GRIA4: variants seen among roughly 807,000 people sequenced by gnomAD.
The protein encoded by GRIA4 is glutamate ionotropic receptor AMPA type subunit 4.
In GRIA4, 34 loss-of-function variants were observed where a neutral mutation model predicts 104.0. That is an observed-to-expected ratio of 0.33 (90% CI 0.25 to 0.44). The LOEUF (loss-of-function observed/expected upper bound fraction) is 0.44. Ranked by LOEUF, GRIA4 falls within the 20% of genes least tolerant of loss-of-function variation. The probability of loss-of-function intolerance (pLI) is 1.00; values close to 1 mark genes in which losing one functional copy is unlikely to be tolerated. For missense variants in GRIA4, 750 were observed against 1,096.5 expected (o/e 0.68, Z 4.46); for synonymous variants, 386 against 381.9 (o/e 1.01, Z -0.13).
intron 3 of GRIA4, among the ~76,000 whole-genome samples, chr11:105,643,365 C>T (rs912074490): frequency 6.6e-6 from 1 of 152,088 alleles, no homozygotes; most frequent in African/African-American, 2.4e-5. Context: ...TATAGGATTC[C>T]TTAACATTGT....
At chr11:105,721,464 T>G (rs2135577011) in intron 3 of GRIA4, among the ~76,000 whole-genome samples, 1 of 152,260 alleles carries the variant, frequency 6.6e-6, no homozygotes, top group Non-Finnish European at 1.5e-5. Flanking sequence ...CATTCAGGAA[T>G]ATGTTTTGTT....
At chr11:105,867,766 A>G (rs1945479156) in intron 5 of GRIA4, among the ~76,000 whole-genome samples, 1 of 152,226 alleles carries the variant, frequency 6.6e-6, no homozygotes, top group South Asian at 2.1e-4. Flanking sequence ...AAAGATAGCT[A>G]TAGTTATAAG....
intron 4 of GRIA4, among the ~76,000 whole-genome samples, chr11:105,825,796 CT>C (rs1943749909): frequency 1.3e-5 from 2 of 152,030 alleles, no homozygotes; most frequent in Non-Finnish European, 2.9e-5. Context: ...ATTTGTGGCT[CT>C]TTTGAATTGG....
chr11:105,667,915 A>G (rs1952219101), intron 3 of GRIA4, among the ~76,000 whole-genome samples: 1 of 151,916 alleles, frequency 6.6e-6, no homozygotes, highest in Non-Finnish European at 1.5e-5. Context: ...TGTATTATAT[A>G]TAGTCACTAT....
intron 4 of GRIA4, among the ~76,000 whole-genome samples, chr11:105,842,363 G>A (rs543720008): frequency 7.4e-4 from 112 of 152,258 alleles, no homozygotes; most frequent in African/African-American, 2.6e-3. Flanking sequence ...CACGATTAGT[G>A]TGACTGCTAT....
intron 4 of GRIA4, among the ~76,000 whole-genome samples, chr11:105,818,527 AC>A (rs1296432629): frequency 2.0e-5 from 3 of 152,184 alleles, no homozygotes; most frequent in African/African-American, 7.2e-5. Flanking sequence ...ATATTTTATT[AC>A]ATATAATAAT....
At chr11:105,956,081 A>C (rs1486917425) in intron 14 of GRIA4, among the ~76,000 whole-genome samples, 1 of 152,048 alleles carries the variant, frequency 6.6e-6, no homozygotes, top group African/African-American at 2.4e-5. Context: ...TTGCCTGTTC[A>C]CCCTGGTGAT....
At chr11:105,652,645 C>CT (rs1425699039) in intron 3 of GRIA4, among the ~76,000 whole-genome samples, 1 of 151,936 alleles carries the variant, frequency 6.6e-6, no homozygotes, top group East Asian at 1.9e-4. Context: ...AATTGGGCTT[C>CT]TTTTTTATGA....
At chr11:105,878,653 G>A (rs1343571550) in intron 5 of GRIA4, among the ~76,000 whole-genome samples, 2 of 152,206 alleles carry the variant, frequency 1.3e-5, no homozygotes, top group Non-Finnish European at 2.9e-5. Flanking sequence ...GGCTACAGTG[G>A]CTTTGCTGGG....
chr11:105,802,622 C>G (rs1942768243), intron 4 of GRIA4, among the ~76,000 whole-genome samples: 1 of 151,822 alleles, frequency 6.6e-6, no homozygotes, highest in African/African-American at 2.4e-5. Flanking sequence ...GAAAAGTTTT[C>G]TGGATATTGC....
At chr11:105,868,994 T>C (rs2136043565) in intron 5 of GRIA4, among the ~76,000 whole-genome samples, 1 of 152,224 alleles carries the variant, frequency 6.6e-6, no homozygotes, top group African/African-American at 2.4e-5. Context: ...TGCACTAGGT[T>C]TGTTGTTTTC....
intron 10 of GRIA4, among the ~76,000 whole-genome samples, chr11:105,917,850 G>GTGTGTT (rs1947454488): frequency 6.6e-6 from 1 of 151,028 alleles, no homozygotes; most frequent in Non-Finnish European, 1.5e-5. Context: ...GTGTGTGTGT[G>GTGTGTT]TGTGTAACTG....
chr11:105,806,368 T>A (rs914163010), intron 4 of GRIA4, among the ~76,000 whole-genome samples: 1 of 151,766 alleles, frequency 6.6e-6, no homozygotes, highest in Non-Finnish European at 1.5e-5. Context: ...AACAAACAAT[T>A]CAAATCACAG....
rs75996185 is a variant in GRIA4 at position 105,867,890 on chromosome 11, A to G, written c.672+5682A>G. ...CTCTGACAGTAGGAATGAGCCAACAACTGTAGGTGGGACAGCTCTGCACTT... is the reference window on the plus strand; with the variant it reads ...CTCTGACAGTAGGAATGAGCCAACAGCTGTAGGTGGGACAGCTCTGCACTT... On this transcript the variant is annotated intron_variant, in intron 5 of 16. Coordinates refer to ENST00000282499, the MANE Select transcript of GRIA4 (RefSeq NM_000829.4). Among the ~76,000 whole-genome samples, 25 of 152,256 alleles carry G rather than the reference A, an allele frequency of 1.6e-4. No individual in the cohort carries two copies. In the East Asian group the frequency reaches 4.4e-3, roughly 27 times the overall value.
intron 4 of GRIA4, among the ~76,000 whole-genome samples, chr11:105,848,500 T>C (rs188440785): frequency 2.4e-4 from 37 of 152,294 alleles, no homozygotes; most frequent in Non-Finnish European, 4.6e-4. Context: ...AGTTACAAAC[T>C]GTCTCATGCA....
chr11:105,931,632 G>C (rs1338491449), intron 13 of GRIA4, among the ~76,000 whole-genome samples: 2 of 152,154 alleles, frequency 1.3e-5, no homozygotes, highest in East Asian at 3.9e-4. Flanking sequence ...TTGAACCTGG[G>C]AGGCAGAGGT....
At chr11:105,685,724 A>G (rs1164197532) in intron 3 of GRIA4, among the ~76,000 whole-genome samples, 3 of 152,204 alleles carry the variant, frequency 2.0e-5, no homozygotes, top group African/African-American at 7.2e-5. Flanking sequence ...ACTGACAAAT[A>G]TATGAAGATG....
chr11:105,623,128 C>T (rs932788633), intron 3 of GRIA4, among the ~76,000 whole-genome samples: 15 of 147,602 alleles, frequency 1.0e-4, no homozygotes, highest in Non-Finnish European at 1.9e-4. Flanking sequence ...GTGATGGACA[C>T]TTAGATTGAT....
chr11:105,773,757 A>G (rs1161026942), intron 4 of GRIA4, among the ~76,000 whole-genome samples: 2 of 152,078 alleles, frequency 1.3e-5, no homozygotes, highest in African/African-American at 2.4e-5. Context: ...AACAGGGTAC[A>G]TTTCCACCTG....
Sources: gnomAD v4.1 joint callset for allele counts (sites outside exome capture counted in the v4.1 genomes callset) on GRCh38, gnomAD v4.1.1 for gene constraint, MANE v1.5 for transcripts, NCBI Gene and HGNC (gene_info 2026-07-23, HGNC 2026-07-21) for gene names.